Variants in CRACR2B observed in about 807,000 individuals in gnomAD.
CRACR2B encodes EF-hand calcium-binding domain-containing protein 4A.
A neutral mutation model predicts 46.0 loss-of-function variants in CRACR2B; 50 were observed. The ratio of observed to expected loss-of-function variants is 1.09; its 90% CI spans 0.87 to 1.38. The LOEUF (loss-of-function observed/expected upper bound fraction) is 1.38. CRACR2B is among the 40% of genes most tolerant of loss of function. The pLI, the probability that CRACR2B is intolerant of heterozygous loss-of-function variation, is 0.00. For synonymous variants in CRACR2B, 277 were observed against 239.6 expected, an observed-to-expected ratio of 1.16 and a Z score of -1.44; for missense variants, 667 against 535.0, an observed-to-expected ratio of 1.25 and a Z score of -2.43.
rs746463370 is a variant in CRACR2B at position 831,585 on chromosome 11, G to T, written c.1076G>T (p.Arg359Leu). 2 of 1,592,318 alleles carry T rather than the reference G, an allele frequency of 1.3e-6. No homozygotes were observed. The highest frequency in any genetic ancestry group is 1.7e-6 in the Non-Finnish European group (2 of 1,172,784). The change falls in exon 9 of 9, where the codon CGG becomes CTG. Residue 359 changes from arginine (R) to leucine (L), a missense_variant. Physicochemically the swap from Arg to Leu is moderately radical, Grantham distance 102. Coordinates refer to ENST00000525077, the MANE Select transcript of CRACR2B (RefSeq NM_001286606.2). ...GACAGGGACGCCTGCGAGGCCAGGC[G>T]GGCGGGCAGCAGCTGCAGGAAGGCT... ...RDDRDACEAR[R>L]AGSSCRKALT...
chr11:830,923 T>A lies in CRACR2B; in HGVS notation c.844T>A (p.Ser282Thr). 6.5e-7 allele frequency: 1 copy of A among 1,533,070 alleles called. No homozygotes were observed. The highest frequency in any genetic ancestry group is 8.7e-7 in the Non-Finnish European group (1 of 1,146,282). The allele number at this position is 1,533,070 out of a possible 1,614,324, so 95.0% of individuals were successfully genotyped here. ...AEHLEAQAQN[S>T]QLWRAHEALR... ...GCACCTGGAGGCACAGGCCCAGAAC[T>A]CCCAGCTGTGGCGGGCGCACGAGGC... is the stretch of plus-strand genomic sequence containing the variant. Residue 282 changes from serine to threonine, a missense_variant, in exon 7 of 9, where the codon TCC becomes ACC. Ser to Thr is a moderately conservative substitution (Grantham distance 58). Transcript: ENST00000525077.
intron 6 of CRACR2B, 25 bp from the exon 7 acceptor site, chr11:830,841 C>A: frequency 6.7e-7 from 1 of 1,501,738 alleles, no homozygotes; most frequent in South Asian, 1.2e-5. Flanking sequence ...CGTTCCTCGC[C>A]GGTCTCCATC....
chr11:829,266 T>A, intron 2 of CRACR2B, 94 bp from the exon 3 acceptor site: 1 of 1,497,690 alleles, frequency 6.7e-7, no homozygotes, highest in South Asian at 1.3e-5. Flanking sequence ...AACTGGGCCC[T>A]GAGAGAGGGC....
upstream of CRACR2B, chr11:827,478 C>T: frequency 2.1e-6 from 2 of 938,186 alleles, no homozygotes; most frequent in African/African-American, 1.8e-5. Context: ...GGGGTTGTCC[C>T]CCAGAGTTTC....
At chr11:826,460 T>G (rs1320521351), upstream of CRACR2B, among the ~76,000 whole-genome samples, 4 of 152,374 alleles carry the variant, frequency 2.6e-5, no homozygotes, top group African/African-American at 9.6e-5. Context: ...GGGACCTGCC[T>G]GAGTCCCCAG....
rs74385189 is a variant in CRACR2B, at chr11:828,903, G to T, written c.217G>T (p.Glu73Ter). 1 of 1,609,428 alleles carries T rather than the reference G, an allele frequency of 6.2e-7. No individual in the cohort carries two copies. Residue 73 changes from glutamate to a stop codon, truncating the protein, a stop_gained, in exon 2 of 9, where the codon GAA becomes TAA. Transcript: ENST00000525077. LOFTEE classifies it high-confidence loss of function. ...GCCAGAGCAGCTGGAGGCTGTGTTT[G>T]AAAGTCTGGACCGGGCTCACACTGG... ...LTPEQLEAVF[E>*]SLDRAHTGFL...
At chr11:831,199 C>G (rs369206850) in intron 7 of CRACR2B, 25 bp from the exon 8 acceptor site, 253 of 1,610,530 alleles carry the variant, frequency 1.6e-4, no homozygotes, top group Non-Finnish European at 2.1e-4. Flanking sequence ...CTTCCTGCAG[C>G]CGGGTCACCA....
At position 830,060 on chromosome 11, in the gene CRACR2B, T is replaced by C. The variant is rs886243149; in HGVS notation, c.533T>C (p.Val178Ala). 5 of 1,559,780 alleles carry C rather than the reference T, an allele frequency of 3.2e-6. No homozygotes were observed. The East Asian group carries it at 7.1e-5, about 22-fold the overall frequency. The part of the protein sequence containing the change: ...RPELLGSFED[V>A]LIRASACLEE... ...GAGCTGCTGGGCTCTTTCGAGGATG[T>C]TCTGATACGCGCGTCGGCCTGCCTG... Residue 178 changes from valine to alanine, a missense_variant, in exon 4 of 9, where the codon GTT becomes GCT. Coordinates refer to ENST00000525077, the MANE Select transcript of CRACR2B (RefSeq NM_001286606.2).
Position 831,758 on chromosome 11 carries a change from G to A in CRACR2B, c.*49G>A. 1 of 1,464,996 alleles carries A rather than the reference G, an allele frequency of 6.8e-7. No homozygotes were observed. 90.7% of individuals were successfully genotyped at this position (1,464,996 alleles called of 1,614,324 possible). On this transcript the variant is annotated 3_prime_UTR_variant, in exon 9 of 9. Coordinates refer to ENST00000525077, the MANE Select transcript of CRACR2B (RefSeq NM_001286606.2). ...CATGAGCTAGAAGCTGCCCTTGCAGGAGGCTTGTCATGGGTCGGGGGTGCC... is the reference window on the plus strand; with the variant it reads ...CATGAGCTAGAAGCTGCCCTTGCAGAAGGCTTGTCATGGGTCGGGGGTGCC...
At chr11:827,449 A>G (rs1845983677), upstream of CRACR2B, 4 of 709,308 alleles carry the variant, frequency 5.6e-6, no homozygotes, top group Non-Finnish European at 6.9e-6. Context: ...TCGGGGCGCA[A>G]GGCGGCAGGG....
chr11:830,389 C>T, intron 5 of CRACR2B, 52 bp downstream of exon 5: 1 of 1,536,382 alleles, frequency 6.5e-7, no homozygotes, highest in Non-Finnish European at 8.7e-7. Flanking sequence ...CCTCGCTGGC[C>T]TCCCTGGCTC....
chr11:826,586 C>T (rs192353534), upstream of CRACR2B, among the ~76,000 whole-genome samples: 224 of 152,384 alleles, frequency 1.5e-3, 1 homozygote, highest in African/African-American at 5.1e-3. Context: ...TGCAATGGCA[C>T]AATCTCGGCT....
Position 828,515 on chromosome 11 carries a change from A to T in CRACR2B, c.-93A>T. On this transcript the variant is annotated 5_prime_UTR_variant, in exon 1 of 9. Transcript: ENST00000525077. ...AGGGCCCTCGGCTGAGCCTTCAGACACACTTGCACCCCATCCGCTCCCCTC... is the reference window on the plus strand; with the variant it reads ...AGGGCCCTCGGCTGAGCCTTCAGACTCACTTGCACCCCATCCGCTCCCCTC... The T allele has an allele frequency of 2.8e-6, 4 of 1,409,140 alleles. No individual in the cohort carries two copies. Among genetic ancestry groups the T allele is most frequent in the Non-Finnish European group, 2.8e-6 (3 of 1,075,476 alleles). 87.3% of individuals were successfully genotyped at this position (1,409,140 alleles called of 1,614,324 possible).
chr11:829,443 G>A lies in CRACR2B; in HGVS notation c.361G>A (p.Val121Met), dbSNP rs765049710. Residue 121 changes from valine to methionine, a missense_variant, in exon 3 of 9, where the codon GTG becomes ATG. Transcript: ENST00000525077. ...GACCTTTGAGTCGGGCGGGCTCGAC[G>A]TGCAGGGCACGGCGGGCTCTCTGGA... The part of the protein sequence containing the change: ...EETFESGGLD[V>M]QGTAGSLDEE... 30 of 1,610,740 alleles carry A rather than the reference G, an allele frequency of 1.9e-5. No individual in the cohort carries two copies. The South Asian group carries it at 2.6e-4, about 14-fold the overall frequency.
intron 8 of CRACR2B, 80 bp downstream of exon 8, chr11:831,375 C>G: frequency 6.6e-7 from 1 of 1,521,326 alleles, no homozygotes; most frequent in Non-Finnish European, 8.8e-7. Context: ...TCTTGGCTGC[C>G]GCTCTACTCC....
At chr11:830,578 C>T (rs867157644) in intron 5 of CRACR2B, 43 bp from the exon 6 acceptor site, 2 of 1,548,490 alleles carry the variant, frequency 1.3e-6, no homozygotes, top group African/African-American at 1.4e-5. Flanking sequence ...TTTTGCATGG[C>T]CGAGCGGCCG....
upstream of CRACR2B, chr11:827,649 C>G (rs537508262): frequency 3.6e-6 from 2 of 555,370 alleles, no homozygotes; most frequent in Non-Finnish European, 4.6e-6. Context: ...ATGGCCCTGG[C>G]CTCTCGTGTC....
rs979735600 is a variant in CRACR2B, at chr11:828,454, C to T, written c.-154C>T. On this transcript the variant is annotated 5_prime_UTR_variant, in exon 1 of 9. Transcript: ENST00000525077. ...TTCCACCCCCAGCCCCCTGGTCCCACCTTGCCTTCCGCCCACCTTCCCACC... is the reference window on the plus strand; with the variant it reads ...TTCCACCCCCAGCCCCCTGGTCCCATCTTGCCTTCCGCCCACCTTCCCACC... 4 of 891,088 alleles carry T rather than the reference C, an allele frequency of 4.5e-6. No homozygotes were observed. The highest frequency in any genetic ancestry group is 3.8e-5 in the South Asian group (2 of 52,590). The allele number at this position is 891,088 out of a possible 1,614,324, so 55.2% of individuals were successfully genotyped here. A position where few individuals can be genotyped will look rare whatever the true frequency, so the allele number is the denominator to read the frequency against.
rs1846032414 is a variant in CRACR2B, at chr11:827,951, T to A, written c.-657T>A. On this transcript the variant is annotated 5_prime_UTR_variant, in exon 1 of 9. Coordinates refer to ENST00000525077, the MANE Select transcript of CRACR2B (RefSeq NM_001286606.2). The stretch of plus-strand genomic sequence containing the variant: ...TGGGGCAAGGGTGTTAGGTCTCGAA[T>A]CTGGAAGTGTTCCTGAGTGGGGCGT... Among the ~76,000 whole-genome samples, 1 of 152,122 alleles carries A rather than the reference T, an allele frequency of 6.6e-6. No individual in the cohort carries two copies. The highest frequency in any genetic ancestry group is 1.5e-5 in the Non-Finnish European group (1 of 68,006).
Sources: gnomAD v4.1 joint callset for allele counts (sites outside exome capture counted in the v4.1 genomes callset) on GRCh38, gnomAD v4.1.1 for gene constraint, MANE v1.5 for transcripts, NCBI Gene and HGNC (gene_info 2026-07-23, HGNC 2026-07-21) for gene names.